The following LMF1 variants were observed in gnomAD, a reference collection of about 807,000 sequenced individuals.
The protein encoded by LMF1 is lipase maturation factor 1.
In LMF1, 68 loss-of-function variants were observed where a neutral mutation model predicts 60.6. That is an observed-to-expected ratio of 1.12 (90% confidence interval 0.92 to 1.37). LMF1 has a LOEUF of 1.37. Ranked by LOEUF, LMF1 falls within the 40% of genes most tolerant of loss-of-function variation. LMF1 has a pLI of 0.00. For synonymous variants in LMF1, 418 were observed against 324.7 expected, an observed-to-expected ratio of 1.29 and a Z score of -3.09; for missense variants, 948 against 767.2, an observed-to-expected ratio of 1.24 and a Z score of -2.78.
At chr16:975,697 A>G (rs1481268528), upstream of LMF1, 1 of 424,076 alleles carries the variant, frequency 2.4e-6, no homozygotes, top group Non-Finnish European at 4.7e-6. Context: ...TACCCGCCTG[A>G]GGGCATCTTA....
intron 10 of LMF1, chr16:855,564 T>C (rs1390473521): frequency 1.1e-5 from 4 of 374,288 alleles, no homozygotes; most frequent in East Asian, 7.3e-5. Context: ...CCAGGAGGAA[T>C]TGTCACCGTC....
chr16:954,764 G>C (rs540128048), intron 1 of LMF1, 98 bp from the exon 2 acceptor site: 5 of 1,138,616 alleles, frequency 4.4e-6, no homozygotes, highest in African/African-American at 3.1e-5. Flanking sequence ...AGGCGGGAAG[G>C]GGAGGCAGAG....
chr16:869,875 T>TCC lies in LMF1; in HGVS notation c.1416+6_1416+7dup. On this transcript the variant is annotated splice_region_variant and intron_variant, in intron 9 of 10. Coordinates refer to ENST00000262301, the MANE Select transcript of LMF1 (RefSeq NM_022773.4). ...AGGTCCATGCGCCCGCCAGGGACCG[T>TCC]CCCCCACCTGGAAGGCCGCGAACCA... 1 of 1,609,430 alleles carries TCC rather than the reference T, an allele frequency of 6.2e-7. No individual in the cohort carries two copies. Among genetic ancestry groups the TCC allele is most frequent in the Non-Finnish European group, 8.5e-7 (1 of 1,178,848 alleles).
intron 4 of LMF1, among the ~76,000 whole-genome samples, chr16:903,055 T>C (rs1596956783): frequency 3.8e-5 from 2 of 52,032 alleles, no homozygotes. Context: ...CTGCACTGCC[T>C]GTGGGGACGC....
intron 3 of LMF1, among the ~76,000 whole-genome samples, chr16:914,249 C>T (rs983906180): frequency 4.6e-5 from 7 of 152,090 alleles, no homozygotes; most frequent in African/African-American, 7.2e-5. Flanking sequence ...GCAAACGTCT[C>T]CACGTTGAAG....
chr16:870,686 C>G, intron 8 of LMF1, 43 bp downstream of exon 8: 1 of 1,606,774 alleles, frequency 6.2e-7, no homozygotes, highest in Non-Finnish European at 8.5e-7. Context: ...GCTGAGTCTC[C>G]CCATATACCC....
chr16:889,790 C>T (rs929118229), intron 5 of LMF1, among the ~76,000 whole-genome samples: 26 of 152,280 alleles, frequency 1.7e-4, no homozygotes, highest in African/African-American at 5.8e-4. Context: ...GCCCTGGGCT[C>T]GCAGTTGACA....
chr16:894,512 C>T (rs933361132), intron 4 of LMF1, among the ~76,000 whole-genome samples: 5 of 152,120 alleles, frequency 3.3e-5, no homozygotes, highest in East Asian at 1.9e-4. Flanking sequence ...CTTGAGGTGC[C>T]GGGCCCTGCT....
chr16:981,537 G>A (rs779653677), upstream of LMF1: 24 of 169,034 alleles, frequency 1.4e-4, no homozygotes, highest in Non-Finnish European at 2.9e-4. Flanking sequence ...TTCCTTTCCC[G>A]GGGCTCCAGA....
chr16:954,011 C>T lies in LMF1; in HGVS notation c.503+346G>A, dbSNP rs781421756. ...CACCCCAAACCAGCCTCCTACACGTCCACACAGACACCCACCCCAAACCAG... is the reference window on the plus strand; with the variant it reads ...CACCCCAAACCAGCCTCCTACACGTTCACACAGACACCCACCCCAAACCAG... On this transcript the variant is annotated intron_variant, in intron 2 of 10. Coordinates refer to ENST00000262301, the MANE Select transcript of LMF1 (RefSeq NM_022773.4). Among the ~76,000 whole-genome samples, 136 of 107,546 alleles carry T rather than the reference C, an allele frequency of 1.3e-3. 16 individuals carry two copies. The highest frequency in any genetic ancestry group is 5.1e-3 in the Middle Eastern group (1 of 196). 70.6% of individuals were successfully genotyped at this position (107,546 alleles called of 152,430 possible). A position where few individuals can be genotyped will look rare whatever the true frequency, so the allele number is the denominator to read the frequency against.
At chr16:859,227 GGT>G (rs2069339885) in intron 10 of LMF1, among the ~76,000 whole-genome samples, 1 of 123,342 alleles carries the variant, frequency 8.1e-6, no homozygotes, top group African/African-American at 3.9e-5. Context: ...GGTGTGCAGT[GGT>G]GTCACGGGAC....
At chr16:898,470 A>G (rs2070722761) in intron 4 of LMF1, among the ~76,000 whole-genome samples, 1 of 152,166 alleles carries the variant, frequency 6.6e-6, no homozygotes, top group Non-Finnish European at 1.5e-5. Context: ...AAACACCTGA[A>G]CTGCTCCTTC....
chr16:873,122 T>G (rs969255164), intron 6 of LMF1: 2 of 152,306 alleles, frequency 1.3e-5, no homozygotes, highest in African/African-American at 2.4e-5. Context: ...TGCGCCCCGT[T>G]CAGCTGCTCT....
At chr16:894,851 T>G (rs1396422548) in intron 4 of LMF1, among the ~76,000 whole-genome samples, 1 of 152,198 alleles carries the variant, frequency 6.6e-6, no homozygotes, top group Non-Finnish European at 1.5e-5. Context: ...ACCATGACAC[T>G]GGGCTCAGGG....
At chr16:972,870 C>T (rs1163077556), upstream of LMF1, among the ~76,000 whole-genome samples, 1 of 152,226 alleles carries the variant, frequency 6.6e-6, no homozygotes, top group Non-Finnish European at 1.5e-5. Flanking sequence ...TCTCTCTGAG[C>T]TCAAGTTTCC....
intron 10 of LMF1, among the ~76,000 whole-genome samples, chr16:863,160 G>A (rs2069515274): frequency 6.6e-6 from 1 of 152,186 alleles, no homozygotes; most frequent in African/African-American, 2.4e-5. Flanking sequence ...TGCAGGGTCT[G>A]TAGTGATATC....
chr16:911,755 C>T (rs982658736), intron 3 of LMF1, among the ~76,000 whole-genome samples: 3 of 151,520 alleles, frequency 2.0e-5, no homozygotes, highest in Admixed American at 2.0e-4. Flanking sequence ...GGCAGTGTCT[C>T]CCTCTGGCCC....
intron 4 of LMF1, 81 bp from the exon 5 acceptor site, chr16:893,153 G>T: frequency 8.0e-7 from 1 of 1,248,582 alleles, no homozygotes; most frequent in Non-Finnish European, 1.1e-6. Context: ...TTCCCAGGAA[G>T]ACGAACCATC....
intron 3 of LMF1, among the ~76,000 whole-genome samples, chr16:918,191 T>C (rs902168336): frequency 1.6e-4 from 24 of 152,224 alleles, no homozygotes; most frequent in African/African-American, 5.3e-4. Context: ...TTTCGTGGAC[T>C]GTTACATATT....
Sources: allele counts gnomAD v4.1 joint callset (sites outside exome capture counted in the v4.1 genomes callset), GRCh38; gene constraint gnomAD v4.1.1; transcripts MANE v1.5; gene names NCBI Gene and HGNC (gene_info 2026-07-23, HGNC 2026-07-21).